The following MOB4 variants were observed in gnomAD, a reference collection of about 807,000 sequenced individuals.
MOB4 encodes the protein MOB family member 4, phocein, also known as MOB-like protein phocein.
A neutral mutation model predicts 32.2 loss-of-function variants in MOB4; 4 were observed. That is an observed-to-expected ratio of 0.12 (90% CI 0.06 to 0.28). The LOEUF (loss-of-function observed/expected upper bound fraction) is 0.28, where lower values mean the gene tolerates loss of function less well. Ranked by LOEUF, MOB4 falls within the 10% of genes least tolerant of loss-of-function variation. The pLI, the probability that MOB4 is intolerant of heterozygous loss-of-function variation, is 1.00. For synonymous variants in MOB4, 88 were observed against 88.1 expected, an observed-to-expected ratio of 1.00 and a Z score of 0.01; for missense variants, 158 against 271.2, an observed-to-expected ratio of 0.58 and a Z score of 2.93.
intron 5 of MOB4, among the ~76,000 whole-genome samples, chr2:197,544,489 C>G (rs916112399): frequency 1.3e-5 from 2 of 152,130 alleles, no homozygotes; most frequent in African/African-American, 4.8e-5. Flanking sequence ...CGCGGTGGCT[C>G]ACGCCTGTAA....
At chr2:197,530,416 C>T (rs575434725) in intron 2 of MOB4, among the ~76,000 whole-genome samples, 56 of 152,076 alleles carry the variant, frequency 3.7e-4, no homozygotes, top group African/African-American at 1.3e-3. Flanking sequence ...TACAGGAGCA[C>T]ACCACCCCTG....
At chr2:197,538,821 A>G (rs1423330232) in intron 3 of MOB4, among the ~76,000 whole-genome samples, 9 of 152,230 alleles carry the variant, frequency 5.9e-5, no homozygotes, top group Non-Finnish European at 1.3e-4. Flanking sequence ...AAAACACATA[A>G]CATGCAGTCT....
chr2:197,530,010 C>T (rs1006333038), intron 2 of MOB4, among the ~76,000 whole-genome samples: 1 of 151,934 alleles, frequency 6.6e-6, no homozygotes, highest in East Asian at 1.9e-4. Context: ...CACTCTGTCT[C>T]CCAGGCTGGA....
chr2:197,546,665 G>C lies in MOB4; in HGVS notation c.355-1671G>C, dbSNP rs932101837. On this transcript the variant is annotated intron_variant, in intron 5 of 7. Coordinates refer to ENST00000323303, the MANE Select transcript of MOB4 (RefSeq NM_015387.5). ...TCTTCCCACTTTGGCCTCCCAAAGT[G>C]CTGGAATTACAGGCGTGAGCCACCA... Among the ~76,000 whole-genome samples the C allele has an allele frequency of 3.0e-4, 45 of 152,242 alleles. 1 individual carries two copies. The highest frequency in any genetic ancestry group is 2.7e-3 in the Admixed American group (41 of 15,292).
chr2:197,549,264 G>A (rs1224179989), intron 6 of MOB4, among the ~76,000 whole-genome samples: 1 of 152,024 alleles, frequency 6.6e-6, no homozygotes, highest in African/African-American at 2.4e-5. Flanking sequence ...TGTTTTTGAA[G>A]GATTCCTTAT....
At position 197,552,651 on chromosome 2, in the gene MOB4, T is replaced by C. The variant is rs2087116531; in HGVS notation, c.*2005T>C. On this transcript the variant is annotated 3_prime_UTR_variant, in exon 8 of 8. Transcript: ENST00000323303. The stretch of plus-strand genomic sequence containing the variant: ...TTGTAGTCTTGCTTTTGTATTCATG[T>C]TGATAATCTTACTAATTGTGAAGTT... 1 of 152,378 alleles carries C rather than the reference T, an allele frequency of 6.6e-6. No homozygotes were observed. Among genetic ancestry groups the C allele is most frequent in the Non-Finnish European group, 1.5e-5 (1 of 68,038 alleles). The allele number at this position is 152,378 out of a possible 1,614,324, so 9.4% of individuals were successfully genotyped here.
At chr2:197,517,333 G>A (rs2086432525) in intron 1 of MOB4, among the ~76,000 whole-genome samples, 1 of 152,166 alleles carries the variant, frequency 6.6e-6, no homozygotes, top group East Asian at 1.9e-4. Context: ...ACATTAAGCT[G>A]TCAGTTATTC....
At position 197,551,315 on chromosome 2, in the gene MOB4, A is replaced by G. The variant is rs2087094012; in HGVS notation, c.*669A>G. ...CAGGATGATCACAATGGTAAGGCAC[A>G]TAAATTATTTTCCCACTGGAAACCT... is the stretch of plus-strand genomic sequence containing the variant. On this transcript the variant is annotated 3_prime_UTR_variant, in exon 8 of 8. Coordinates refer to ENST00000323303, the MANE Select transcript of MOB4 (RefSeq NM_015387.5). 1 of 152,752 alleles carries G rather than the reference A, an allele frequency of 6.5e-6. No homozygotes were observed. The highest frequency in any genetic ancestry group is 2.1e-4 in the South Asian group (1 of 4,828). 9.5% of individuals were successfully genotyped at this position (152,752 alleles called of 1,614,324 possible). A position where few individuals can be genotyped will look rare whatever the true frequency, so the allele number is the denominator to read the frequency against.
intron 6 of MOB4, among the ~76,000 whole-genome samples, chr2:197,549,837 C>T (rs1371380648): frequency 9.6e-5 from 14 of 145,716 alleles, no homozygotes; most frequent in Non-Finnish European, 1.6e-4. Flanking sequence ...AGGCGTGAGC[C>T]ACCACACCTG....
chr2:197,541,744 C>T (rs889449357), intron 5 of MOB4, among the ~76,000 whole-genome samples: 2 of 151,860 alleles, frequency 1.3e-5, no homozygotes, highest in Non-Finnish European at 2.9e-5. Flanking sequence ...ACGGTGAAAC[C>T]CCGTCTCTAT....
chr2:197,549,916 TAAAAC>T (rs1339732864), intron 6 of MOB4, among the ~76,000 whole-genome samples: 1 of 140,058 alleles, frequency 7.1e-6, no homozygotes, highest in Non-Finnish European at 1.6e-5. Context: ...TTCTGTAAAA[TAAAAC>T]AATAATTCCT....
At chr2:197,531,194 C>T (rs2086697278) in intron 2 of MOB4, among the ~76,000 whole-genome samples, 1 of 151,776 alleles carries the variant, frequency 6.6e-6, no homozygotes, top group African/African-American at 2.4e-5. Flanking sequence ...ACTACAAGCG[C>T]CCGCCACTAT....
intron 1 of MOB4, chr2:197,516,667 G>C (rs1049857161): frequency 4.2e-6 from 2 of 471,558 alleles, no homozygotes; most frequent in African/African-American, 4.0e-5. Flanking sequence ...TCTCCTCCTT[G>C]TTTCCCTTTG....
chr2:197,550,661 A>C lies in MOB4; in HGVS notation c.*15A>C, dbSNP rs1483089942. 1 of 1,579,352 alleles carries C rather than the reference A, an allele frequency of 6.3e-7. No individual in the cohort carries two copies. The highest frequency in any genetic ancestry group is 2.2e-5 in the East Asian group (1 of 44,656). On this transcript the variant is annotated 3_prime_UTR_variant, in exon 8 of 8. Transcript: ENST00000323303. ...GTGAAGCATGAAGGGAATCATAGGA[A>C]AAATGTACTGATCATATAATTAACA...
chr2:197,539,458 G>A lies in MOB4; in HGVS notation c.225-653G>A, dbSNP rs551700930. ...CTCAGCCTCCTGAATAGCTGAGATT[G>A]CAGGCACCCGCTATTATGCCCGGCT... On this transcript the variant is annotated intron_variant, in intron 3 of 7. Coordinates refer to ENST00000323303, the MANE Select transcript of MOB4 (RefSeq NM_015387.5). Among the ~76,000 whole-genome samples the A allele has an allele frequency of 5.1e-4, 77 of 151,296 alleles. 2 individuals are homozygous for A. In the South Asian group the frequency reaches 8.3e-3, roughly 16 times the overall value.
Position 197,551,639 on chromosome 2 carries a change from G to C in MOB4, c.*993G>C, listed in dbSNP as rs182095023. On this transcript the variant is annotated 3_prime_UTR_variant, in exon 8 of 8. Transcript: ENST00000323303. ...TTAACCAGCTAGGCAGCATTAAATAGAATTGAAGAAATACCATAGTATTTA... is the reference window on the plus strand; with the variant it reads ...TTAACCAGCTAGGCAGCATTAAATACAATTGAAGAAATACCATAGTATTTA... 1.8e-4 allele frequency: 28 copies of C among 152,840 alleles called. No homozygotes were observed. In the East Asian group the frequency reaches 5.3e-3, roughly 29 times the overall value. 9.5% of individuals were successfully genotyped at this position (152,840 alleles called of 1,614,324 possible). A position where few individuals can be genotyped will look rare whatever the true frequency, so the allele number is the denominator to read the frequency against.
At chr2:197,527,763 T>C (rs766363133) in intron 2 of MOB4, among the ~76,000 whole-genome samples, 2 of 152,224 alleles carry the variant, frequency 1.3e-5, no homozygotes, top group Non-Finnish European at 2.9e-5. Context: ...AGGTTAGCTG[T>C]GAGCTTTTCA....
chr2:197,534,823 A>G (rs564592826), intron 2 of MOB4, among the ~76,000 whole-genome samples: 7 of 152,218 alleles, frequency 4.6e-5, no homozygotes, highest in Non-Finnish European at 8.8e-5. Flanking sequence ...GATTACAGGC[A>G]TGAGCCCCGA....
At chr2:197,549,449 A>T (rs60122648) in intron 6 of MOB4, among the ~76,000 whole-genome samples, 4,818 of 152,260 alleles carry the variant, frequency 0.032, 243 homozygotes, top group African/African-American at 0.11. Context: ...TGTTAAGAAA[A>T]ATACTGACTT....
Sources: gnomAD v4.1 joint callset for allele counts (sites outside exome capture counted in the v4.1 genomes callset) on GRCh38, gnomAD v4.1.1 for gene constraint, MANE v1.5 for transcripts, NCBI Gene and HGNC (gene_info 2026-07-23, HGNC 2026-07-21) for gene names.